CALN1: variants seen among roughly 807,000 people sequenced by gnomAD.
CALN1 encodes calneuron 1, also known as calcium-binding protein 8.
CALN1 carries 17 observed loss-of-function variants against 30.6 expected under a neutral mutation model. The ratio of observed to expected loss-of-function variants is 0.56; its 90% CI spans 0.38 to 0.83. CALN1 has a LOEUF of 0.83. Among genes scored for constraint, CALN1 ranks in the 40% least tolerant of loss-of-function variants. The pLI, the probability that CALN1 is intolerant of heterozygous loss-of-function variation, is 0.00. For synonymous variants in CALN1, 156 were observed against 131.4 expected (o/e 1.19, Z -1.28); for missense variants, 291 against 354.9 (o/e 0.82, Z 1.45).
intron 2 of CALN1, among the ~76,000 whole-genome samples, chr7:72,365,300 T>A (rs1803814098): frequency 6.6e-6 from 1 of 152,072 alleles, no homozygotes; most frequent in African/African-American, 2.4e-5. Context: ...GCCACTGCAC[T>A]CCAGCCTGGG....
intron 4 of CALN1, among the ~76,000 whole-genome samples, chr7:72,080,240 C>T (rs564510172): frequency 3.3e-5 from 5 of 152,304 alleles, no homozygotes; most frequent in South Asian, 2.1e-4. Flanking sequence ...TTTCCCTATG[C>T]CTTAAAACCA....
chr7:71,979,630 T>C (rs569550510), intron 5 of CALN1, among the ~76,000 whole-genome samples: 28 of 152,184 alleles, frequency 1.8e-4, no homozygotes, highest in African/African-American at 6.7e-4. Context: ...GCAGCCTGCT[T>C]CCTAACAGGT....
intron 1 of CALN1, among the ~76,000 whole-genome samples, chr7:72,408,722 G>C (rs1164367383): frequency 8.8e-6 from 1 of 113,394 alleles, no homozygotes. Context: ...TGTCACCCAG[G>C]TTGGAGTGCA....
chr7:72,493,586 G>A, the CALN1 span, among the ~76,000 whole-genome samples: 20 of 152,094 alleles, frequency 1.3e-4, no homozygotes, highest in African/African-American at 4.6e-4. Context: ...TGATCCATCC[G>A]CCTCAGCTTC....
intron 4 of CALN1, among the ~76,000 whole-genome samples, chr7:72,047,923 T>G (rs1802575842): frequency 6.6e-6 from 1 of 152,134 alleles, no homozygotes; most frequent in African/African-American, 2.4e-5. Flanking sequence ...AATTGGATAT[T>G]GTCTGGGACA....
intron 3 of CALN1, among the ~76,000 whole-genome samples, chr7:72,233,228 G>T (rs190596070): frequency 1.3e-5 from 2 of 151,632 alleles, no homozygotes; most frequent in Non-Finnish European, 1.5e-5. Flanking sequence ...GTGGAGAAAG[G>T]CATGGAGGAG....
rs145751679 is a variant in CALN1 at position 72,064,539 on chromosome 7, C to G, written c.389-40770G>C. On this transcript the variant is annotated intron_variant, in intron 4 of 6. Coordinates refer to ENST00000395275, the MANE Select transcript of CALN1 (RefSeq NM_031468.4). ...GGGAAGGGTTTTGTAGCCAGCAAAT[C>G]CTGACAAGCTATCCTGATATAACCC... 1.6e-3 allele frequency among the ~76,000 whole-genome samples: 245 copies of G among 152,232 alleles called. 1 individual carries two copies. Among genetic ancestry groups the G allele is most frequent in the African/African-American group, 5.7e-3 (236 of 41,544 alleles).
intron 5 of CALN1, among the ~76,000 whole-genome samples, chr7:71,936,045 A>G (rs1224785256): frequency 6.6e-6 from 1 of 152,134 alleles, no homozygotes; most frequent in Non-Finnish European, 1.5e-5. Context: ...TTAAAATAAT[A>G]CCCTGGAAGT....
intron 5 of CALN1, among the ~76,000 whole-genome samples, chr7:71,890,635 T>C (rs1476918827): frequency 6.6e-6 from 1 of 152,220 alleles, no homozygotes; most frequent in Admixed American, 6.5e-5. Context: ...CTGATAGTAT[T>C]TGGTATATCT....
intron 5 of CALN1, among the ~76,000 whole-genome samples, chr7:71,930,184 T>G (rs947312637): frequency 2.6e-5 from 4 of 152,220 alleles, no homozygotes; most frequent in Non-Finnish European, 4.4e-5. Flanking sequence ...GACCTATAGT[T>G]ATTTGAATCC....
At chr7:72,121,236 T>C (rs935840960) in intron 3 of CALN1, among the ~76,000 whole-genome samples, 4 of 141,952 alleles carry the variant, frequency 2.8e-5, no homozygotes, top group Admixed American at 1.5e-4. Flanking sequence ...ACTATATAAT[T>C]AATATATTAT....
At chr7:72,234,431 CTTTTT>C (rs775155407) in intron 3 of CALN1, among the ~76,000 whole-genome samples, 3 of 151,948 alleles carry the variant, frequency 2.0e-5, no homozygotes, top group African/African-American at 7.2e-5. Flanking sequence ...GTCCACTTGT[CTTTTT>C]TTGTTTTGTT....
chr7:72,338,489 G>GTGTGTT (rs1802214338), intron 2 of CALN1, among the ~76,000 whole-genome samples: 3 of 135,144 alleles, frequency 2.2e-5, no homozygotes, highest in East Asian at 4.2e-4. Flanking sequence ...GTGTGTGTGT[G>GTGTGTT]TGTGTGTGTG....
intron 5 of CALN1, among the ~76,000 whole-genome samples, chr7:71,890,409 T>C (rs1793172192): frequency 1.3e-5 from 2 of 152,198 alleles, no homozygotes; most frequent in Non-Finnish European, 2.9e-5. Context: ...GACTGTGACA[T>C]AAAACACTCA....
intron 2 of CALN1, among the ~76,000 whole-genome samples, chr7:72,373,151 GAAGA>G (rs1472957607): frequency 2.0e-5 from 3 of 152,026 alleles, no homozygotes; most frequent in Admixed American, 6.6e-5. Context: ...TGACATAACC[GAAGA>G]AAGAGCCAGA....
chr7:71,834,994 G>A (rs1789520936), intron 5 of CALN1, among the ~76,000 whole-genome samples: 2 of 152,020 alleles, frequency 1.3e-5, no homozygotes, highest in South Asian at 4.1e-4. Context: ...ACCATGCCCA[G>A]GTAATTTTAA....
At chr7:72,389,159 T>TC (rs375214495) in intron 2 of CALN1, among the ~76,000 whole-genome samples, 53 of 152,268 alleles carry the variant, frequency 3.5e-4, no homozygotes, top group African/African-American at 1.3e-3. Context: ...TCCCAAGGTC[T>TC]CCATGGCGGG....
intron 5 of CALN1, among the ~76,000 whole-genome samples, chr7:71,963,990 C>T (rs199632019): frequency 7.9e-5 from 12 of 152,222 alleles, no homozygotes; most frequent in East Asian, 7.7e-4. Context: ...TTTCAATGTC[C>T]GTGTATTTAA....
At chr7:72,274,143 T>C (rs1344673569) in intron 3 of CALN1, among the ~76,000 whole-genome samples, 2 of 152,138 alleles carry the variant, frequency 1.3e-5, no homozygotes, top group Non-Finnish European at 2.9e-5. Context: ...TATATTTATA[T>C]ACAGTGGAAC....
Sources: gnomAD v4.1 joint callset for allele counts (sites outside exome capture counted in the v4.1 genomes callset) on GRCh38, gnomAD v4.1.1 for gene constraint, MANE v1.5 for transcripts, NCBI Gene and HGNC (gene_info 2026-07-23, HGNC 2026-07-21) for gene names.